Variants in NEK1 observed in about 807,000 individuals in gnomAD.
NEK1 encodes serine/threonine-protein kinase Nek1.
Under a neutral mutation model 182.1 loss-of-function variants are expected in NEK1, and 137 were observed. That is an observed-to-expected ratio of 0.75 (90% CI 0.65 to 0.87). NEK1 has a LOEUF of 0.87. NEK1 is among the 40% of genes least tolerant of loss of function. The pLI is 0.00. For synonymous variants in NEK1, 513 were observed against 492.2 expected (o/e 1.04, Z -0.56); for missense variants, 1,391 against 1,494.4 (o/e 0.93, Z 1.14).
chr4:169,585,241 G>C (rs1008648442), intron 10 of NEK1, 108 bp downstream of exon 10: 11 of 705,742 alleles, frequency 1.6e-5, no homozygotes, highest in Admixed American at 5.8e-5. Context: ...GTTTGAAAAA[G>C]GCACACCATT....
chr4:169,564,370 TA>T (rs1233628058), intron 12 of NEK1, among the ~76,000 whole-genome samples: 2 of 152,110 alleles, frequency 1.3e-5, no homozygotes, highest in East Asian at 3.8e-4. Context: ...ATTATATCAT[TA>T]AAAGTTGTCT....
At chr4:169,463,774 G>C (rs1157198327) in intron 26 of NEK1, among the ~76,000 whole-genome samples, 1 of 152,016 alleles carries the variant, frequency 6.6e-6, no homozygotes, top group Non-Finnish European at 1.5e-5. Context: ...TCTTGTTGAT[G>C]GGACCAAAGT....
chr4:169,452,603 A>AT (rs1742034977), intron 27 of NEK1, among the ~76,000 whole-genome samples: 1 of 152,170 alleles, frequency 6.6e-6, no homozygotes, highest in African/African-American at 2.4e-5. Context: ...GCCTTCAACA[A>AT]AATTCAACAG....
At chr4:169,456,549 A>C (rs181190202) in intron 27 of NEK1, among the ~76,000 whole-genome samples, 1 of 152,326 alleles carries the variant, frequency 6.6e-6, no homozygotes, top group East Asian at 1.9e-4. Flanking sequence ...ATACTGCAGA[A>C]ATTAAAAGGA....
At chr4:169,441,900 G>C (rs1435443976) in intron 27 of NEK1, among the ~76,000 whole-genome samples, 2 of 151,886 alleles carry the variant, frequency 1.3e-5, no homozygotes, top group Non-Finnish European at 2.9e-5. Flanking sequence ...CAGAGGTCTG[G>C]AGATCTACCC....
At chr4:169,490,376 C>G (rs1277191048) in intron 23 of NEK1, among the ~76,000 whole-genome samples, 1 of 152,084 alleles carries the variant, frequency 6.6e-6, no homozygotes, top group African/African-American at 2.4e-5. Context: ...GAAGAGGTCA[C>G]TGATCCACTA....
In NEK1 at chr4:169,449,157, TCAAAATGG is replaced by T. The variant is rs1216374887; in HGVS notation, c.2588-10906_2588-10899del. ...TAGGTAAACAAAGCTGCCCAGAAGT[TCAAAATGG>T]GCGGAGCCCACCGCAGCTCAACAAG... On this transcript the variant is annotated intron_variant, in intron 27 of 35. Coordinates refer to ENST00000507142, the MANE Select transcript of NEK1 (RefSeq NM_001199397.3). Among the ~76,000 whole-genome samples the T allele has an allele frequency of 2.6e-3, 401 of 152,246 alleles. 3 individuals carry two copies. Among genetic ancestry groups the T allele is most frequent in the African/African-American group, 9.4e-3 (389 of 41,538 alleles).
At chr4:169,542,820 T>A (rs770603244) in intron 18 of NEK1, among the ~76,000 whole-genome samples, 43 of 152,146 alleles carry the variant, frequency 2.8e-4, no homozygotes, top group Non-Finnish European at 5.7e-4. Flanking sequence ...TCTGTTCATA[T>A]CCTTTGCCCG....
intron 31 of NEK1, among the ~76,000 whole-genome samples, chr4:169,414,505 A>C (rs1734192322): frequency 6.6e-6 from 1 of 152,308 alleles, no homozygotes; most frequent in Middle Eastern, 3.4e-3. Context: ...CAGCACTCAA[A>C]ATTAGACATT....
At chr4:169,492,734 C>T (rs879782504) in intron 23 of NEK1, among the ~76,000 whole-genome samples, 1 of 152,216 alleles carries the variant, frequency 6.6e-6, no homozygotes, top group Admixed American at 6.5e-5. Flanking sequence ...ACACAACCTA[C>T]TCTGACTTTG....
At chr4:169,599,232 A>C in intron 4 of NEK1, 35 bp from the exon 5 acceptor site, 1 of 1,450,468 alleles carries the variant, frequency 6.9e-7, no homozygotes. Flanking sequence ...CACTTTTAAA[A>C]ACGTACATCA....
chr4:169,537,731 A>T, intron 19 of NEK1, 78 bp downstream of exon 19: 1 of 1,060,678 alleles, frequency 9.4e-7, no homozygotes, highest in Non-Finnish European at 1.5e-6. Context: ...CATTCTTTTT[A>T]CTTACACTTA....
At position 169,400,931 on chromosome 4, in the gene NEK1, A is replaced by T. The variant is rs113997964; in HGVS notation, c.3584-280T>A. 0.011 allele frequency among the ~76,000 whole-genome samples: 1,707 copies of T among 151,964 alleles called. 26 individuals carry two copies. Among genetic ancestry groups the T allele is most frequent in the African/African-American group, 0.038 (1,595 of 41,478 alleles). ...AGATGTTACTTAAATAAAAAAAAAA[A>T]AGTGGAAAAAGCACACCTCCATGTT... On this transcript the variant is annotated intron_variant, in intron 33 of 35. Transcript: ENST00000507142.
chr4:169,514,883 G>C (rs1329361593), intron 19 of NEK1, among the ~76,000 whole-genome samples: 1 of 151,696 alleles, frequency 6.6e-6, no homozygotes, highest in Non-Finnish European at 1.5e-5. Flanking sequence ...TGCTTGATTT[G>C]GGAATATTTT....
chr4:169,499,023 C>G lies in NEK1; in HGVS notation c.2007+8014G>C, dbSNP rs56223677. ...GTTTTCCAACTTGGTTCCATTCTCCCCATCACTTTCAGGTACACCAATCAG... is the reference window on the plus strand; with the variant it reads ...GTTTTCCAACTTGGTTCCATTCTCCGCATCACTTTCAGGTACACCAATCAG... On this transcript the variant is annotated intron_variant, in intron 23 of 35. Coordinates refer to ENST00000507142, the MANE Select transcript of NEK1 (RefSeq NM_001199397.3). 2.0e-3 allele frequency among the ~76,000 whole-genome samples: 307 copies of G among 152,274 alleles called. 2 individuals are homozygous for G. In the Middle Eastern group the frequency reaches 0.027, roughly 13 times the overall value.
intron 31 of NEK1, among the ~76,000 whole-genome samples, chr4:169,408,722 AT>A (rs1409745537): frequency 2.0e-5 from 3 of 152,060 alleles, no homozygotes; most frequent in Non-Finnish European, 4.4e-5. Context: ...AACATACGCT[AT>A]TTGGTTTTCT....
chr4:169,488,863 T>C (rs1257166137), intron 23 of NEK1, among the ~76,000 whole-genome samples: 2 of 148,350 alleles, frequency 1.3e-5, no homozygotes, highest in Non-Finnish European at 3.0e-5. Context: ...CTTTAATCAA[T>C]TTTTTTTTGT....
At chr4:169,545,068 T>TA (rs2149848277) in intron 18 of NEK1, among the ~76,000 whole-genome samples, 1 of 150,924 alleles carries the variant, frequency 6.6e-6, no homozygotes, top group African/African-American at 2.4e-5. Flanking sequence ...TTTTTTTTTT[T>TA]ATACTTTAAG....
At chr4:169,466,614 A>T (rs1226891066) in intron 26 of NEK1, among the ~76,000 whole-genome samples, 1 of 152,094 alleles carries the variant, frequency 6.6e-6, no homozygotes, top group African/African-American at 2.4e-5. Flanking sequence ...AAACTTTTAC[A>T]AACATTTGTA....
Sources: gnomAD v4.1 joint callset for allele counts (sites outside exome capture counted in the v4.1 genomes callset) on GRCh38, gnomAD v4.1.1 for gene constraint, MANE v1.5 for transcripts, NCBI Gene and HGNC (gene_info 2026-07-23, HGNC 2026-07-21) for gene names.